DNAH7: variants seen among roughly 807,000 people sequenced by gnomAD.
DNAH7 encodes the protein dynein axonemal heavy chain 7, also known as axonemal beta dynein heavy chain 7.
A neutral mutation model predicts 444.6 loss-of-function variants in DNAH7; 397 were observed. The ratio of observed to expected loss-of-function variants is 0.89; its 90% CI spans 0.82 to 0.97. DNAH7 has a LOEUF of 0.97. Ranked by LOEUF, DNAH7 falls within the 50% of genes least tolerant of loss-of-function variation. The pLI, the probability that DNAH7 is intolerant of heterozygous loss-of-function variation, is 0.00. For synonymous variants in DNAH7, 1,636 were observed against 1,624.4 expected, an observed-to-expected ratio of 1.01 and a Z score of -0.17; for missense variants, 4,902 against 4,800.8, an observed-to-expected ratio of 1.02 and a Z score of -0.62.
chr2:195,758,636 A>C (rs189610588), intron 61 of DNAH7, among the ~76,000 whole-genome samples: 14 of 152,322 alleles, frequency 9.2e-5, no homozygotes, highest in African/African-American at 3.4e-4. Flanking sequence ...TGAAAGAGGC[A>C]CTGAAGAGGG....
intron 54 of DNAH7, among the ~76,000 whole-genome samples, chr2:195,802,001 T>G (rs1054821177): frequency 6.6e-6 from 1 of 152,184 alleles, no homozygotes; most frequent in South Asian, 2.1e-4. Flanking sequence ...GGATGACATA[T>G]ATACTGTTTG....
intron 63 of DNAH7, among the ~76,000 whole-genome samples, chr2:195,749,669 C>G (rs1226674552): frequency 1.8e-4 from 28 of 151,706 alleles, no homozygotes; most frequent in Non-Finnish European, 2.8e-4. Context: ...ATGATGAGTT[C>G]ATGTCCTTTG....
chr2:195,889,101 A>C (rs953155956), intron 31 of DNAH7, 120 bp from the exon 32 acceptor site: 2 of 909,830 alleles, frequency 2.2e-6, no homozygotes, highest in African/African-American at 3.4e-5. Context: ...TCATCATGAA[A>C]ACGTAAAAGC....
At chr2:196,007,122 C>G (rs927861711) in intron 10 of DNAH7, among the ~76,000 whole-genome samples, 4 of 152,036 alleles carry the variant, frequency 2.6e-5, no homozygotes, top group Non-Finnish European at 5.9e-5. Context: ...ACAAAGGACT[C>G]AGAACAACAA....
At chr2:195,993,957 T>C (rs1693524097) in intron 12 of DNAH7, among the ~76,000 whole-genome samples, 1 of 152,196 alleles carries the variant, frequency 6.6e-6, no homozygotes, top group Admixed American at 6.5e-5. Flanking sequence ...AAGAAAAAGT[T>C]AGAGTGAGAA....
At chr2:195,867,940 G>A (rs944408524) in intron 40 of DNAH7, among the ~76,000 whole-genome samples, 4 of 152,194 alleles carry the variant, frequency 2.6e-5, no homozygotes, top group Non-Finnish European at 4.4e-5. Context: ...TGGGTCCACA[G>A]TTAGGAGTGG....
At chr2:195,774,536 AAG>A (rs1694981389) in intron 60 of DNAH7, among the ~76,000 whole-genome samples, 1 of 152,350 alleles carries the variant, frequency 6.6e-6, no homozygotes, top group South Asian at 2.1e-4. Flanking sequence ...AGAATCTGGA[AAG>A]AGAATATAGC....
Position 195,872,472 on chromosome 2 carries a change from T to C in DNAH7, c.6414-3A>G, listed in dbSNP as rs1559169246. 2 of 1,565,862 alleles carry C rather than the reference T, an allele frequency of 1.3e-6. No individual in the cohort carries two copies. Among genetic ancestry groups the C allele is most frequent in the Admixed American group, 3.6e-5 (2 of 55,948 alleles). On this transcript the variant is annotated splice_region_variant and splice_polypyrimidine_tract_variant and intron_variant, in intron 39 of 64. Transcript: ENST00000312428. ...GAAATTCATCTGGAAATTTATAACT[T>C]AAAAATTTTTTAAATAAAAAGAAAG...
At chr2:195,986,283 T>C (rs2125629240) in intron 14 of DNAH7, among the ~76,000 whole-genome samples, 1 of 152,356 alleles carries the variant, frequency 6.6e-6, no homozygotes, top group South Asian at 2.1e-4. Context: ...TCAGCAGTTT[T>C]ATTCATGTTT....
At chr2:195,774,600 G>T (rs191844988) in intron 60 of DNAH7, among the ~76,000 whole-genome samples, 270 of 152,284 alleles carry the variant, frequency 1.8e-3, no homozygotes, top group Non-Finnish European at 3.1e-3. Flanking sequence ...GAGCCAGACC[G>T]CTTGGTTTTG....
intron 16 of DNAH7, among the ~76,000 whole-genome samples, chr2:195,970,506 A>C (rs1004906416): frequency 1.3e-5 from 2 of 152,174 alleles, no homozygotes; most frequent in Non-Finnish European, 2.9e-5. Flanking sequence ...TAAACTGAAA[A>C]AAACGGAATT....
chr2:195,967,453 G>C (rs1691558385), intron 17 of DNAH7, among the ~76,000 whole-genome samples: 1 of 152,148 alleles, frequency 6.6e-6, no homozygotes, highest in Non-Finnish European at 1.5e-5. Flanking sequence ...TTACCAGTGA[G>C]TTTTGTGCCT....
At chr2:195,804,068 C>G (rs925300131) in intron 54 of DNAH7, among the ~76,000 whole-genome samples, 5 of 21,242 alleles carry the variant, frequency 2.4e-4, no homozygotes, top group African/African-American at 6.4e-4. Flanking sequence ...GGAAGGAGAC[C>G]CCCCCCAAAT....
At chr2:195,776,094 G>C (rs1695045380) in intron 59 of DNAH7, 111 bp from the exon 60 acceptor site, 1 of 1,317,246 alleles carries the variant, frequency 7.6e-7, no homozygotes, top group East Asian at 2.4e-5. Flanking sequence ...GGATAGGCCT[G>C]TGACACTGGA....
At chr2:195,922,039 G>A (rs1688056417) in intron 24 of DNAH7, 49 bp downstream of exon 24, 2 of 1,049,110 alleles carry the variant, frequency 1.9e-6, no homozygotes, top group Non-Finnish European at 3.0e-6. Context: ...CAGTGGTACA[G>A]GGGTGAGTGA....
chr2:195,817,498 A>G (rs1352568534), intron 50 of DNAH7, among the ~76,000 whole-genome samples, 198 bp downstream of exon 50: 1 of 152,224 alleles, frequency 6.6e-6, no homozygotes, highest in East Asian at 1.9e-4. Flanking sequence ...CCAGTGCCTA[A>G]GAACTTGCAT....
intron 1 of DNAH7, among the ~76,000 whole-genome samples, chr2:196,066,404 G>C (rs1325199104): frequency 6.6e-6 from 1 of 152,170 alleles, no homozygotes; most frequent in African/African-American, 2.4e-5. Flanking sequence ...AAAATGGAAT[G>C]AGCATCACAT....
chr2:195,806,796 C>T lies in DNAH7; in HGVS notation c.10120G>A (p.Asp3374Asn). ...ATCCTTTGAAACTCATTTGCTTTAT[C>T]TTCCCATTCTTCAGGGAAAACCTCA... is the stretch of plus-strand genomic sequence containing the variant. ...HHEVFPEEWE[D>N]KANEFQRMLI... Residue 3374 changes from aspartate to asparagine, a missense_variant, in exon 54 of 65, where the codon GAT becomes AAT. By Grantham distance (23) the Asp-to-Asn change is conservative (BLOSUM62 1). Transcript: ENST00000312428. 4 of 1,613,614 alleles carry T rather than the reference C, an allele frequency of 2.5e-6. No homozygotes were observed. The highest frequency in any genetic ancestry group is 3.4e-6 in the Non-Finnish European group (4 of 1,179,750).
chr2:195,806,211 T>A (rs921970756), intron 54 of DNAH7, among the ~76,000 whole-genome samples: 1 of 152,328 alleles, frequency 6.6e-6, no homozygotes, highest in East Asian at 1.9e-4. Context: ...ATACTGACAT[T>A]TGCTAATATA....
Sources: allele counts gnomAD v4.1 joint callset (sites outside exome capture counted in the v4.1 genomes callset), GRCh38; gene constraint gnomAD v4.1.1; transcripts MANE v1.5; gene names NCBI Gene and HGNC (gene_info 2026-07-23, HGNC 2026-07-21).